The following COG5 variants were observed in gnomAD, a reference collection of about 807,000 sequenced individuals.
The protein encoded by COG5 is component of oligomeric golgi complex 5, also known as conserved oligomeric Golgi complex subunit 5.
A neutral mutation model predicts 110.4 loss-of-function variants in COG5; 86 were observed. The ratio of observed to expected loss-of-function variants is 0.78; its 90% confidence interval spans 0.65 to 0.93. The LOEUF (loss-of-function observed/expected upper bound fraction) is 0.93, where lower values mean the gene tolerates loss of function less well. Ranked by LOEUF, COG5 falls within the 40% of genes least tolerant of loss-of-function variation. The probability of loss-of-function intolerance (pLI) is 0.00; values close to 1 mark genes in which losing one functional copy is unlikely to be tolerated. For synonymous variants in COG5, 360 were observed against 334.6 expected (o/e 1.08, Z -0.83); for missense variants, 1,077 against 987.0 (o/e 1.09, Z -1.22).
chr7:107,513,158 G>T (rs1799658704), intron 6 of COG5, among the ~76,000 whole-genome samples: 1 of 151,808 alleles, frequency 6.6e-6, no homozygotes, highest in Non-Finnish European at 1.5e-5. Flanking sequence ...TCTGACAAAG[G>T]GCTAATATCC....
At chr7:107,352,720 T>A (rs1812273624) in intron 10 of COG5, among the ~76,000 whole-genome samples, 2 of 148,708 alleles carry the variant, frequency 1.3e-5, no homozygotes, top group Admixed American at 1.3e-4. Context: ...ACACATTATT[T>A]TTCATAGTTA....
At chr7:107,526,533 T>A (rs891173784) in intron 6 of COG5, among the ~76,000 whole-genome samples, 1 of 152,310 alleles carries the variant, frequency 6.6e-6, no homozygotes, top group African/African-American at 2.4e-5. Context: ...ATGGGATTTG[T>A]CATGTTAAAA....
At chr7:107,329,651 G>A (rs1233227603) in intron 10 of COG5, among the ~76,000 whole-genome samples, 1 of 152,094 alleles carries the variant, frequency 6.6e-6, no homozygotes, top group African/African-American at 2.4e-5. Flanking sequence ...CAACACTTTG[G>A]GAGGCCAAGG....
At chr7:107,258,911 A>G (rs1169859017) in intron 14 of COG5, among the ~76,000 whole-genome samples, 2 of 152,198 alleles carry the variant, frequency 1.3e-5, no homozygotes, top group East Asian at 1.9e-4. Flanking sequence ...TGTATATTTG[A>G]TAGGCATCCT....
At chr7:107,370,258 C>T (rs1049532742) in intron 8 of COG5, among the ~76,000 whole-genome samples, 1 of 152,028 alleles carries the variant, frequency 6.6e-6, no homozygotes, top group Non-Finnish European at 1.5e-5. Context: ...GAAACACACA[C>T]TGACAGAATC....
intron 1 of COG5, chr7:107,563,552 G>GT (rs1804156663): frequency 2.0e-6 from 1 of 500,768 alleles, no homozygotes; most frequent in African/African-American, 1.9e-5. Context: ...CATGGGGGGG[G>GT]GGGGGGTCGA....
rs117036333 is a variant in COG5 at position 107,234,154 on chromosome 7, G to C, written c.2091+2296C>G. Among the ~76,000 whole-genome samples, 279 of 152,284 alleles carry C rather than the reference G, an allele frequency of 1.8e-3. 2 individuals carry two copies. Among genetic ancestry groups the C allele is most frequent in the South Asian group, 0.012 (57 of 4,820 alleles). On this transcript the variant is annotated intron_variant, in intron 18 of 21. Transcript: ENST00000297135. ...ACACACTGTACAGGGGTGAACAAAG[G>C]AATCTGCTTTTCAATACCACACTGC...
intron 10 of COG5, among the ~76,000 whole-genome samples, chr7:107,338,543 T>C (rs754800626): frequency 6.6e-6 from 1 of 152,102 alleles, no homozygotes; most frequent in Non-Finnish European, 1.5e-5. Flanking sequence ...CTATAGCTCC[T>C]AGACCAAAAT....
intron 18 of COG5, among the ~76,000 whole-genome samples, chr7:107,235,711 A>G (rs963098475): frequency 2.6e-5 from 4 of 152,188 alleles, no homozygotes; most frequent in South Asian, 2.1e-4. Flanking sequence ...TCAAAAAGAA[A>G]AAGATTTTAC....
intron 16 of COG5, among the ~76,000 whole-genome samples, chr7:107,249,085 T>C (rs1802281062): frequency 6.6e-6 from 1 of 152,192 alleles, no homozygotes; most frequent in Non-Finnish European, 1.5e-5. Flanking sequence ...CTCTTTCCCC[T>C]GCTCCCACCT....
intron 6 of COG5, among the ~76,000 whole-genome samples, chr7:107,464,094 G>A (rs56927744): frequency 0.013 from 1,992 of 152,188 alleles, 48 homozygotes; most frequent in African/African-American, 0.045. Context: ...TAGAATAGAG[G>A]GGGTAGAGAA....
chr7:107,558,559 G>A (rs750409716), intron 1 of COG5, among the ~76,000 whole-genome samples: 14 of 151,632 alleles, frequency 9.2e-5, no homozygotes, highest in South Asian at 2.1e-4. Context: ...AGCCGAGATC[G>A]TGCCATTGCA....
intron 5 of COG5, among the ~76,000 whole-genome samples, chr7:107,535,634 A>G (rs886109369): frequency 1.1e-4 from 16 of 152,214 alleles, no homozygotes; most frequent in African/African-American, 3.6e-4. Context: ...CCCTGAATAG[A>G]CCAATAACAA....
chr7:107,563,674 C>T, intron 1 of COG5, 129 bp downstream of exon 1: 4 of 1,009,252 alleles, frequency 4.0e-6, no homozygotes, highest in Non-Finnish European at 6.2e-6. Context: ...GGGGGCCGGG[C>T]GGAGGGGAGT....
intron 6 of COG5, among the ~76,000 whole-genome samples, chr7:107,518,258 C>T (rs543279478): frequency 6.6e-6 from 1 of 152,148 alleles, no homozygotes; most frequent in South Asian, 2.1e-4. Context: ...AACTAGTGTG[C>T]AAAATAACAA....
intron 16 of COG5, among the ~76,000 whole-genome samples, chr7:107,251,752 T>C (rs1317206860): frequency 6.6e-6 from 1 of 151,930 alleles, no homozygotes; most frequent in Non-Finnish European, 1.5e-5. Context: ...GTGGGGAAAA[T>C]GGTCTAAAAT....
At chr7:107,509,701 C>T (rs959096964) in intron 6 of COG5, among the ~76,000 whole-genome samples, 6 of 148,920 alleles carry the variant, frequency 4.0e-5, no homozygotes, top group Admixed American at 1.4e-4. Flanking sequence ...GCGGATCTCT[C>T]GGCAGAAACT....
chr7:107,362,048 A>G lies in COG5; in HGVS notation c.1011T>C (p.Ile337=). The change falls in exon 10 of 22, where the codon ATT becomes ATC. Residue 337 remains isoleucine (I), a synonymous_variant. Coordinates refer to ENST00000297135, the MANE Select transcript of COG5 (RefSeq NM_006348.5). ...KRDPVSHICF[I]EEIVKDGQPE... is the part of the protein sequence containing the mutation. ...TTAAACATACCTTAACTATTTCTTC[A>G]ATGAAACAAATGTGAGAAACAGGAT... The G allele has an allele frequency of 6.2e-7, 1 of 1,603,924 alleles. No homozygotes were observed. The highest frequency in any genetic ancestry group is 2.2e-5 in the East Asian group (1 of 44,830).
intron 11 of COG5, among the ~76,000 whole-genome samples, chr7:107,312,648 T>C (rs912960600): frequency 1.3e-5 from 2 of 152,160 alleles, no homozygotes; most frequent in Non-Finnish European, 2.9e-5. Flanking sequence ...CAATTCAGGC[T>C]TAAGTATGAG....
Sources: gnomAD v4.1 joint callset for allele counts (sites outside exome capture counted in the v4.1 genomes callset) on GRCh38, gnomAD v4.1.1 for gene constraint, MANE v1.5 for transcripts, NCBI Gene and HGNC (gene_info 2026-07-23, HGNC 2026-07-21) for gene names.